The following SUMF1 variants were observed in gnomAD, a reference collection of about 807,000 sequenced individuals.
The protein encoded by SUMF1 is formylglycine-generating enzyme.
SUMF1 carries 48 observed loss-of-function variants against 47.6 expected under a neutral mutation model. The observed-to-expected ratio is 1.01, with a 90% CI of 0.80 to 1.28. SUMF1 has a LOEUF of 1.28. Among genes scored for constraint, SUMF1 ranks in the 50% most tolerant of loss-of-function variants. The pLI is 0.00. For synonymous variants in SUMF1, 230 were observed against 192.1 expected, an observed-to-expected ratio of 1.20 and a Z score of -1.63; for missense variants, 571 against 485.4, an observed-to-expected ratio of 1.18 and a Z score of -1.66.
Position 4,452,961 on chromosome 3 carries a change from G to A in SUMF1, c.359C>T (p.Thr120Ile), listed in dbSNP as rs1559309598. The change falls in exon 2 of 9, where the codon ACT (threonine) becomes ATT (isoleucine). Residue 120 changes from threonine to isoleucine, a missense_variant. By Grantham distance (89) the Thr-to-Ile change is moderately conservative. Transcript: ENST00000272902. ...QDGEAPARRV[T>I]IDAFYMDAYE... ...GGCATCCATGTAAAAGGCATCAATAGTAACTCTCCTCGCAGGTGCTTCCCC... is the reference window on the plus strand; with the variant it reads ...GGCATCCATGTAAAAGGCATCAATAATAACTCTCCTCGCAGGTGCTTCCCC... 6.2e-7 allele frequency: 1 copy of A among 1,614,190 alleles called. No individual in the cohort carries two copies. The highest frequency in any genetic ancestry group is 1.1e-5 in the South Asian group (1 of 91,080).
intron 8 of SUMF1, among the ~76,000 whole-genome samples, chr3:4,290,896 G>T (rs999807871): frequency 6.6e-6 from 1 of 152,040 alleles, no homozygotes; most frequent in African/African-American, 2.4e-5. Flanking sequence ...GCCATGGTAG[G>T]TGCATTTACA....
intron 8 of SUMF1, among the ~76,000 whole-genome samples, chr3:4,262,941 C>A (rs1264388866): frequency 1.3e-5 from 2 of 152,164 alleles, no homozygotes; most frequent in Non-Finnish European, 2.9e-5. Flanking sequence ...CACAACTATG[C>A]CCTAACCTAG....
chr3:4,345,953 G>A (rs1699364835), intron 8 of SUMF1, among the ~76,000 whole-genome samples: 1 of 151,970 alleles, frequency 6.6e-6, no homozygotes. Context: ...AATGGTAAAG[G>A]GATCAATGCA....
At chr3:4,355,759 G>GC in intron 8 of SUMF1, among the ~76,000 whole-genome samples, 1 of 152,278 alleles carries the variant, frequency 6.6e-6, no homozygotes, top group East Asian at 1.9e-4. Flanking sequence ...GGGCGGGAGA[G>GC]CAATCCTATC....
chr3:4,431,320 T>A (rs1323053053), intron 3 of SUMF1, among the ~76,000 whole-genome samples: 1 of 152,250 alleles, frequency 6.6e-6, no homozygotes, highest in African/African-American at 2.4e-5. Context: ...TACATATACC[T>A]ACCCTTTCCT....
chr3:4,243,624 G>C (rs966210700), intron 8 of SUMF1, among the ~76,000 whole-genome samples: 3 of 152,196 alleles, frequency 2.0e-5, no homozygotes, highest in African/African-American at 7.2e-5. Context: ...TGTGGTCTGA[G>C]AGAGAGTTTG....
At position 4,039,557 on chromosome 3, in the gene SUMF1, A is replaced by C. The variant is rs368653195; in HGVS notation, c.1191+29012T>G. Among the ~76,000 whole-genome samples, 1,253 of 145,306 alleles carry C rather than the reference A, an allele frequency of 8.6e-3. 41 individuals are homozygous for C. The highest frequency in any genetic ancestry group is 0.032 in the African/African-American group (1,183 of 37,200). On this transcript the variant is annotated intron_variant and NMD_transcript_variant, in intron 9 of 12. Transcript: ENST00000448413. ...TCCCTACAAAGGATATGAACTCATC[A>C]TTTTTTATGGCTGCATAGTATTCCA...
At position 4,212,382 on chromosome 3, in the gene SUMF1, C is replaced by T. The variant is rs1484929737; in HGVS notation, c.1015-143637G>A. Among the ~76,000 whole-genome samples, 3 of 151,782 alleles carry T rather than the reference C, an allele frequency of 2.0e-5. 1 individual carries two copies. On this transcript the variant is annotated intron_variant and NMD_transcript_variant, in intron 8 of 12. Transcript: ENST00000448413. ...AGCTAACAAAAAGAAAGGAATAGCA[C>T]GTCCACTCAAAGACCCTATCCGACG...
chr3:4,131,189 G>A (rs965317897), intron 8 of SUMF1, among the ~76,000 whole-genome samples: 1 of 152,154 alleles, frequency 6.6e-6, no homozygotes, highest in African/African-American at 2.4e-5. Flanking sequence ...GCCATGAAGT[G>A]TGTCATGCGC....
At chr3:4,220,604 G>A (rs1014438699) in intron 8 of SUMF1, among the ~76,000 whole-genome samples, 5 of 151,854 alleles carry the variant, frequency 3.3e-5, no homozygotes, top group African/African-American at 1.2e-4. Context: ...AAGTGTTCTT[G>A]GATGATGTTT....
intron 8 of SUMF1, among the ~76,000 whole-genome samples, chr3:4,355,700 C>T (rs942067343): frequency 6.6e-6 from 1 of 152,216 alleles, no homozygotes; most frequent in Non-Finnish European, 1.5e-5. Context: ...GTCTTCCATT[C>T]CCCTCGGCAA....
rs141645659 is a variant in SUMF1, at chr3:4,271,168, A to T, written c.1014+105162T>A. On this transcript the variant is annotated intron_variant and NMD_transcript_variant, in intron 8 of 12. Coordinates refer to the SUMF1 transcript ENST00000448413. ...ACCAATCACATTTCATCAGGATCTC[A>T]ACAGTGATTTTCTTTATGAGGAAAA... is the stretch of plus-strand genomic sequence containing the variant. Among the ~76,000 whole-genome samples the T allele has an allele frequency of 6.2e-3, 941 of 152,236 alleles. 5 individuals carry two copies. Among genetic ancestry groups the T allele is most frequent in the African/African-American group, 0.018 (733 of 41,530 alleles).
chr3:4,102,474 C>T (rs748594171), intron 8 of SUMF1, among the ~76,000 whole-genome samples: 4 of 152,100 alleles, frequency 2.6e-5, no homozygotes, highest in Admixed American at 6.5e-5. Context: ...TGCCTTCATC[C>T]GCTCCTCACT....
chr3:4,296,099 C>A (rs773063273), intron 8 of SUMF1, among the ~76,000 whole-genome samples: 6 of 135,390 alleles, frequency 4.4e-5, no homozygotes, highest in Non-Finnish European at 9.5e-5. Flanking sequence ...AGAAAAATGA[C>A]CCATATGCCT....
chr3:4,118,613 T>C lies in SUMF1; in HGVS notation c.1015-49868A>G, dbSNP rs1559485762. The stretch of plus-strand genomic sequence containing the variant: ...ATCCACTTTGTCACTTCTAATTCAC[T>C]CATTAAACACACCATAGTAACTACA... On this transcript the variant is annotated intron_variant and NMD_transcript_variant, in intron 8 of 12. Transcript: ENST00000448413. Among the ~76,000 whole-genome samples the C allele has an allele frequency of 2.6e-5, 4 of 152,148 alleles. 1 individual carries two copies. The highest frequency in any genetic ancestry group is 9.7e-5 in the African/African-American group (4 of 41,416).
chr3:4,109,477 G>A (rs1693241213), intron 8 of SUMF1, among the ~76,000 whole-genome samples: 2 of 152,098 alleles, frequency 1.3e-5, no homozygotes, highest in Admixed American at 6.5e-5. Context: ...GGTCTGCCTT[G>A]CTAGATTGGG....
intron 1 of SUMF1, among the ~76,000 whole-genome samples, chr3:4,462,678 G>C (rs1238107064): frequency 6.6e-6 from 1 of 152,046 alleles, no homozygotes; most frequent in Non-Finnish European, 1.5e-5. Context: ...AAAGGCTCTT[G>C]TTCTGAGTCC....
chr3:4,263,616 C>G (rs949890531), intron 8 of SUMF1, among the ~76,000 whole-genome samples: 1 of 152,164 alleles, frequency 6.6e-6, no homozygotes, highest in Non-Finnish European at 1.5e-5. Context: ...TTCTTTCACC[C>G]AGTTCACTGG....
intron 8 of SUMF1, among the ~76,000 whole-genome samples, chr3:4,184,123 T>C (rs923328700): frequency 1.3e-5 from 2 of 149,506 alleles, no homozygotes; most frequent in Non-Finnish European, 3.0e-5. Context: ...TGATGCCATG[T>C]GACCCTGTCT....
Sources: gnomAD v4.1 joint callset for allele counts (sites outside exome capture counted in the v4.1 genomes callset) on GRCh38, gnomAD v4.1.1 for gene constraint, MANE v1.5 for transcripts, NCBI Gene and HGNC (gene_info 2026-07-23, HGNC 2026-07-21) for gene names.